The following PCLO variants were observed in gnomAD, a reference collection of about 807,000 sequenced individuals.
PCLO encodes the protein protein piccolo.
PCLO carries 82 observed loss-of-function variants against 427.5 expected under a neutral mutation model. The ratio of observed to expected loss-of-function variants is 0.19; its 90% CI spans 0.16 to 0.23. The LOEUF is 0.23. PCLO is among the 10% of genes least tolerant of loss of function. PCLO has a pLI of 1.00. For missense variants in PCLO, 6,239 were observed against 6,115.9 expected, an observed-to-expected ratio of 1.02 and a Z score of -0.67; for synonymous variants, 2,357 against 2,155.4, an observed-to-expected ratio of 1.09 and a Z score of -2.59.
At chr7:83,139,009 C>T (rs1791798523) in intron 2 of PCLO, among the ~76,000 whole-genome samples, 1 of 151,916 alleles carries the variant, frequency 6.6e-6, no homozygotes, top group Non-Finnish European at 1.5e-5. Context: ...GATATAAAAT[C>T]CCAATTCAAG....
chr7:82,961,705 G>A (rs1309083352), intron 4 of PCLO, among the ~76,000 whole-genome samples: 1 of 152,174 alleles, frequency 6.6e-6, no homozygotes. Flanking sequence ...GGTCTGTGAG[G>A]AATCCTGGGA....
chr7:82,935,460 T>C (rs961346598), intron 6 of PCLO, among the ~76,000 whole-genome samples: 4 of 151,384 alleles, frequency 2.6e-5, no homozygotes, highest in Non-Finnish European at 5.9e-5. Flanking sequence ...TAATTACTAT[T>C]ATATTAAGAA....
At chr7:82,831,447 A>G (rs1792090562) in intron 16 of PCLO, among the ~76,000 whole-genome samples, 1 of 152,070 alleles carries the variant, frequency 6.6e-6, no homozygotes, top group African/African-American at 2.4e-5. Context: ...TTTTATACAT[A>G]TAATATAAAT....
intron 20 of PCLO, among the ~76,000 whole-genome samples, chr7:82,815,253 A>T (rs1791654121): frequency 6.6e-6 from 1 of 152,028 alleles, no homozygotes; most frequent in Admixed American, 6.6e-5. Flanking sequence ...GTAAATAATG[A>T]TAATTGGCAG....
At chr7:82,947,951 T>C (rs776343276) in intron 6 of PCLO, among the ~76,000 whole-genome samples, 33 of 152,268 alleles carry the variant, frequency 2.2e-4, no homozygotes, top group Non-Finnish European at 4.3e-4. Context: ...ATTATGTAAA[T>C]AGTCAATATT....
intron 3 of PCLO, among the ~76,000 whole-genome samples, chr7:83,003,991 G>T (rs1583896201): frequency 6.6e-6 from 1 of 151,128 alleles, no homozygotes; most frequent in Admixed American, 6.6e-5. Flanking sequence ...TTCTTTGTTG[G>T]GAAATTGTTT....
intron 3 of PCLO, among the ~76,000 whole-genome samples, chr7:82,980,384 C>G (rs941310197): frequency 1.2e-4 from 19 of 152,106 alleles, no homozygotes; most frequent in African/African-American, 4.3e-4. Context: ...GATAAAATTG[C>G]TCCATGGGGG....
intron 3 of PCLO, among the ~76,000 whole-genome samples, chr7:83,037,377 A>T (rs1788821858): frequency 6.6e-6 from 1 of 152,044 alleles, no homozygotes; most frequent in African/African-American, 2.4e-5. Flanking sequence ...ATATCATAAA[A>T]CCAAAGTATA....
chr7:83,015,746 TAA>T (rs761191991), intron 3 of PCLO, among the ~76,000 whole-genome samples: 8 of 152,170 alleles, frequency 5.3e-5, no homozygotes, highest in Non-Finnish European at 1.2e-4. Flanking sequence ...TTTAGCTGTA[TAA>T]TAGACTAGTA....
intron 22 of PCLO, 54 bp from the exon 23 acceptor site, chr7:82,761,547 T>C: frequency 7.6e-7 from 1 of 1,312,516 alleles, no homozygotes; most frequent in Non-Finnish European, 1.1e-6. Context: ...ATATGAAATG[T>C]TTAGTTCAGT....
chr7:83,026,189 T>A (rs1181888254), intron 3 of PCLO, among the ~76,000 whole-genome samples: 1 of 152,128 alleles, frequency 6.6e-6, no homozygotes, highest in African/African-American at 2.4e-5. Context: ...GACCCATCAG[T>A]GTGCTGTATT....
intron 22 of PCLO, among the ~76,000 whole-genome samples, chr7:82,790,460 A>G (rs1446798705): frequency 6.6e-6 from 1 of 152,152 alleles, no homozygotes; most frequent in Non-Finnish European, 1.5e-5. Context: ...ATGTTTCCCC[A>G]TATTGGAATC....
At chr7:83,111,841 C>T (rs1791010643) in intron 3 of PCLO, among the ~76,000 whole-genome samples, 1 of 152,084 alleles carries the variant, frequency 6.6e-6, no homozygotes, top group East Asian at 1.9e-4. Context: ...TTAATGTCTG[C>T]TTTTAAGGGG....
At chr7:83,099,535 G>C (rs558692241) in intron 3 of PCLO, among the ~76,000 whole-genome samples, 1 of 151,676 alleles carries the variant, frequency 6.6e-6, no homozygotes, top group African/African-American at 2.4e-5. Flanking sequence ...ATTACAGGCA[G>C]GGGCCACCAT....
Position 82,952,936 on chromosome 7 carries a change from C to T in PCLO, c.8017G>A (p.Glu2673Lys), listed in dbSNP as rs1277590115. 1 of 1,613,784 alleles carries T rather than the reference C, an allele frequency of 6.2e-7. No individual in the cohort carries two copies. Among genetic ancestry groups the T allele is most frequent in the East Asian group, 2.2e-5 (1 of 44,876 alleles). Residue 2673 changes from glutamate to lysine, a missense_variant, in exon 5 of 25, where the codon GAA (glutamate) becomes AAA (lysine). Physicochemically the swap from Glu to Lys is moderately conservative, Grantham distance 56 (BLOSUM62 1). Coordinates refer to ENST00000333891, the MANE Select transcript of PCLO (RefSeq NM_033026.6). ...GCTGAAACCTCAGTCTTGGAAACTT[C>T]AGTAGTGAGAAACTGTGTAACTGAT... ...PTSVTQFLTT[E>K]VSKTEVSATR... is the part of the protein sequence containing the mutation.
At position 82,915,818 on chromosome 7, in the gene PCLO, G is replaced by A. The variant is rs1161152438; in HGVS notation, c.12168C>T (p.Thr4056=). The A allele has an allele frequency of 1.2e-6, 2 of 1,613,244 alleles. No homozygotes were observed. The highest frequency in any genetic ancestry group is 1.7e-6 in the Non-Finnish European group (2 of 1,179,612). The change falls in exon 7 of 25, where the codon ACC becomes ACT. Residue 4056 remains threonine, a synonymous_variant. Transcript: ENST00000333891. The stretch of plus-strand genomic sequence containing the variant: ...CGGTGCTTAATGCCGCTGTTCCTTT[G>A]GTGATCTCTCCAATGTCGTCAATTA... ...YVLIDDIGEI[T]KGTAALSTAF...
chr7:82,879,366 C>T lies in PCLO; in HGVS notation c.13625G>A (p.Ser4542Asn). 6.2e-7 allele frequency: 1 copy of T among 1,612,746 alleles called. No homozygotes were observed. The highest frequency in any genetic ancestry group is 8.5e-7 in the Non-Finnish European group (1 of 1,179,166). The change falls in exon 10 of 25, where the codon AGT becomes AAT. Residue 4542 changes from serine to asparagine, a missense_variant. Physicochemically the swap from Ser to Asn is conservative, Grantham distance 46. Around this residue, in one of 5 missense-constraint regions of PCLO, gnomAD observed 877 missense variants for 925.5 expected, o/e 0.95. Transcript: ENST00000333891. Reference sequence around the variant, plus strand: ...CATAAGCTTCCCCGTCTGTTCCGCACTTCCCCCAGGAAGAATCTTGGCAAT... The same window carrying T: ...CATAAGCTTCCCCGTCTGTTCCGCATTTCCCCCAGGAAGAATCTTGGCAAT... ...AYIAKILPGG[S>N]AEQTGKLMEG...
intron 3 of PCLO, among the ~76,000 whole-genome samples, chr7:83,082,886 T>C (rs1157481796): frequency 6.6e-6 from 1 of 151,742 alleles, no homozygotes; most frequent in East Asian, 1.9e-4. Flanking sequence ...CTATAAAGTA[T>C]ATAAAACTAC....
Position 82,786,506 on chromosome 7 carries a change from G to A in PCLO, c.15007+15012C>T, listed in dbSNP as rs963628152. 7.2e-5 allele frequency among the ~76,000 whole-genome samples: 11 copies of A among 152,000 alleles called. No homozygotes were observed. The South Asian group carries it at 1.5e-3, about 20-fold the overall frequency. ...TATTTCCATATCTCCATATTATCAT[G>A]TTTGCCATTACAACAATTCAACCTA... On this transcript the variant is annotated intron_variant, in intron 22 of 24. Transcript: ENST00000333891.
Sources: allele counts gnomAD v4.1 joint callset (sites outside exome capture counted in the v4.1 genomes callset), GRCh38; gene constraint gnomAD v4.1.1; regional missense constraint gnomAD v4.1.1; transcripts MANE v1.5; gene names NCBI Gene and HGNC (gene_info 2026-07-23, HGNC 2026-07-21).